The following BRINP3 variants were observed in gnomAD, a reference collection of about 807,000 sequenced individuals.
BRINP3 encodes the protein BMP/retinoic acid inducible neural specific 3.
BRINP3 carries 19 observed loss-of-function variants against 71.0 expected under a neutral mutation model. The ratio of observed to expected loss-of-function variants is 0.27; its 90% CI spans 0.19 to 0.39. The LOEUF is 0.39. Ranked by LOEUF, BRINP3 falls within the 10% of genes least tolerant of loss-of-function variation. The probability of loss-of-function intolerance (pLI) is 1.00; values close to 1 mark genes in which losing one functional copy is unlikely to be tolerated. For missense variants in BRINP3, 959 were observed against 940.8 expected, an observed-to-expected ratio of 1.02 and a Z score of -0.25; for synonymous variants, 380 against 337.7, an observed-to-expected ratio of 1.13 and a Z score of -1.37.
chr1:190,368,561 G>T (rs946709158), intron 2 of BRINP3, among the ~76,000 whole-genome samples: 2 of 151,980 alleles, frequency 1.3e-5, no homozygotes, highest in East Asian at 3.9e-4. Flanking sequence ...AATAATGAAA[G>T]AATTCTTAAC....
Position 190,206,311 on chromosome 1 carries a change from C to T in BRINP3, c.961+19771G>A, listed in dbSNP as rs190187857. ...AGTTTATGACAGGTTTCTATTTGTC[C>T]TATTCTGCTAAATAAATAAATAAAT... On this transcript the variant is annotated intron_variant, in intron 6 of 7. Transcript: ENST00000367462. 3.9e-3 allele frequency among the ~76,000 whole-genome samples: 593 copies of T among 151,734 alleles called. 1 individual carries two copies. The highest frequency in any genetic ancestry group is 9.4e-3 in the Admixed American group (143 of 15,212).
intron 2 of BRINP3, among the ~76,000 whole-genome samples, chr1:190,426,245 T>C (rs1673698555): frequency 6.6e-6 from 1 of 151,772 alleles, no homozygotes; most frequent in Non-Finnish European, 1.5e-5. Flanking sequence ...ATGCAAATAC[T>C]ATGCCATTTT....
At position 190,168,274 on chromosome 1, in the gene BRINP3, A is replaced by G. The variant is rs527318968; in HGVS notation, c.962-7384T>C. ...CAACAAAGGCCTGGTTTGAGTCATC[A>G]TGAGAAGAAAGTTGTCTTATCAAAT... On this transcript the variant is annotated intron_variant, in intron 6 of 7. Coordinates refer to ENST00000367462, the MANE Select transcript of BRINP3 (RefSeq NM_199051.3). 1.2e-4 allele frequency among the ~76,000 whole-genome samples: 18 copies of G among 152,286 alleles called. No homozygotes were observed. The South Asian group carries it at 3.7e-3, about 32-fold the overall frequency.
chr1:190,446,962 G>GA (rs1675257951), intron 2 of BRINP3, among the ~76,000 whole-genome samples: 1 of 151,774 alleles, frequency 6.6e-6, no homozygotes, highest in Non-Finnish European at 1.5e-5. Flanking sequence ...GAAATAAAAA[G>GA]AAAAAGTGTA....
At chr1:190,371,325 T>C (rs1418757827) in intron 2 of BRINP3, among the ~76,000 whole-genome samples, 2 of 152,234 alleles carry the variant, frequency 1.3e-5, no homozygotes, top group Non-Finnish European at 2.9e-5. Flanking sequence ...GTACAAGTTT[T>C]TAATCCATTT....
chr1:190,378,035 T>C (rs1027211189), intron 2 of BRINP3, among the ~76,000 whole-genome samples: 12 of 152,026 alleles, frequency 7.9e-5, no homozygotes, highest in Non-Finnish European at 1.6e-4. Flanking sequence ...CTAAAATTAA[T>C]ATGGAATCTC....
chr1:190,142,108 T>C (rs1205609058), intron 7 of BRINP3, among the ~76,000 whole-genome samples: 3 of 152,174 alleles, frequency 2.0e-5, no homozygotes, highest in Non-Finnish European at 4.4e-5. Flanking sequence ...TCAACCTTTC[T>C]ACCTATAGAA....
chr1:190,382,745 C>G (rs1670629167), intron 2 of BRINP3, among the ~76,000 whole-genome samples: 3 of 152,114 alleles, frequency 2.0e-5, no homozygotes, highest in African/African-American at 7.2e-5. Flanking sequence ...CTTTCTTTCA[C>G]AAAATTAGCA....
intron 2 of BRINP3, among the ~76,000 whole-genome samples, chr1:190,370,994 A>T (rs982121853): frequency 6.6e-6 from 1 of 152,190 alleles, no homozygotes; most frequent in East Asian, 1.9e-4. Flanking sequence ...AGAAATGTCT[A>T]TTCAAGTTAT....
chr1:190,330,826 G>A (rs1666915915), intron 2 of BRINP3, among the ~76,000 whole-genome samples: 1 of 151,990 alleles, frequency 6.6e-6, no homozygotes, highest in African/African-American at 2.4e-5. Context: ...TATGTCCTTT[G>A]CAGCAATGTG....
At chr1:190,282,719 C>T (rs1297605625) in intron 2 of BRINP3, among the ~76,000 whole-genome samples, 1 of 151,904 alleles carries the variant, frequency 6.6e-6, no homozygotes, top group Non-Finnish European at 1.5e-5. Context: ...CCCACACTGT[C>T]CATCTGCAAG....
Position 190,142,615 on chromosome 1 carries a change from A to T in BRINP3, c.1184+18053T>A, listed in dbSNP as rs572218202. Among the ~76,000 whole-genome samples, 18 of 152,098 alleles carry T rather than the reference A, an allele frequency of 1.2e-4. No homozygotes were observed. The South Asian group carries it at 3.7e-3, about 32-fold the overall frequency. ...GTTTTGTCTTCATTTTTTACAATTT[A>T]ATTTTCTTTTTTTCTTTTCTATAAG... On this transcript the variant is annotated intron_variant, in intron 7 of 7. Coordinates refer to ENST00000367462, the MANE Select transcript of BRINP3 (RefSeq NM_199051.3).
At chr1:190,251,069 C>T (rs10920668) in intron 4 of BRINP3, among the ~76,000 whole-genome samples, 57,617 of 150,488 alleles carry the variant, frequency 0.38, 12,294 homozygotes, top group Non-Finnish European at 0.48. Flanking sequence ...ATAATAACAA[C>T]AACAATAATA....
chr1:190,156,262 T>C (rs2102441393), intron 7 of BRINP3, among the ~76,000 whole-genome samples: 1 of 152,234 alleles, frequency 6.6e-6, no homozygotes, highest in East Asian at 1.9e-4. Context: ...TTGGTGGAGA[T>C]GTACTTTGAA....
At chr1:190,175,664 A>G (rs1029858623) in intron 6 of BRINP3, among the ~76,000 whole-genome samples, 1 of 152,188 alleles carries the variant, frequency 6.6e-6, no homozygotes, top group African/African-American at 2.4e-5. Context: ...AAAAAGAATT[A>G]ATTACTATAT....
chr1:190,349,447 T>C (rs775173165), intron 2 of BRINP3, among the ~76,000 whole-genome samples: 2 of 152,114 alleles, frequency 1.3e-5, no homozygotes, highest in African/African-American at 4.8e-5. Context: ...ACCCATATGA[T>C]AGAGTTCTAA....
chr1:190,153,906 T>C (rs1656642667), intron 7 of BRINP3: 1 of 175,310 alleles, frequency 5.7e-6, no homozygotes, highest in African/African-American at 2.4e-5. Context: ...GGTACTTTTA[T>C]TTGTTGGGAT....
At chr1:190,388,206 AT>A (rs1463545348) in intron 2 of BRINP3, among the ~76,000 whole-genome samples, 1 of 151,842 alleles carries the variant, frequency 6.6e-6, no homozygotes, top group Non-Finnish European at 1.5e-5. Context: ...TTATGAAATT[AT>A]AATATTTCAG....
At chr1:190,283,078 C>T (rs542530878) in intron 2 of BRINP3, among the ~76,000 whole-genome samples, 1 of 151,950 alleles carries the variant, frequency 6.6e-6, no homozygotes, top group Non-Finnish European at 1.5e-5. Context: ...ACTTGTGGCA[C>T]ATATTTGACA....
Sources: allele counts gnomAD v4.1 joint callset (sites outside exome capture counted in the v4.1 genomes callset), GRCh38; gene constraint gnomAD v4.1.1; transcripts MANE v1.5; gene names NCBI Gene and HGNC (gene_info 2026-07-23, HGNC 2026-07-21).